Variants in LCN2 observed in about 807,000 individuals in gnomAD.
LCN2 encodes the protein lipocalin 2, also known as neutrophil gelatinase-associated lipocalin.
In LCN2, 27 loss-of-function variants were observed where a neutral mutation model predicts 26.4. The ratio of observed to expected loss-of-function variants is 1.02; its 90% CI spans 0.76 to 1.41. The LOEUF is 1.41. LCN2 is among the 40% of genes most tolerant of loss of function. The pLI is 0.00. For synonymous variants in LCN2, 94 were observed against 98.9 expected, an observed-to-expected ratio of 0.95 and a Z score of 0.30; for missense variants, 224 against 237.6, an observed-to-expected ratio of 0.94 and a Z score of 0.38.
rs879875042 is a variant in LCN2 at position 128,152,237 on chromosome 9, A to G, written c.530A>G (p.Lys177Arg). 4.3e-6 allele frequency: 7 copies of G among 1,613,998 alleles called. No homozygotes were observed. Among genetic ancestry groups the G allele is most frequent in the Non-Finnish European group, 3.4e-6 (4 of 1,180,024 alleles). ...AAGGAGAACTTCATCCGCTTCTCCA[A>G]ATCTCTGGGCCTCCCTGAAAACCAC... ...ELKENFIRFS[K>R]SLGLPENHIV... The change falls in exon 5 of 7, where the codon AAA becomes AGA. Residue 177 changes from lysine to arginine, a missense_variant. Transcript: ENST00000277480.
chr9:128,149,808 G>A (rs1050993577), intron 1 of LCN2, 145 bp downstream of exon 1: 1 of 963,840 alleles, frequency 1.0e-6, no homozygotes, highest in Non-Finnish European at 1.5e-6. Flanking sequence ...GTGCCACCAG[G>A]GTCCCCTGGT....
chr9:128,149,500 G>A lies in LCN2; in HGVS notation c.-26G>A. 6.3e-7 allele frequency: 1 copy of A among 1,577,074 alleles called. No individual in the cohort carries two copies. Among genetic ancestry groups the A allele is most frequent in the Non-Finnish European group, 8.6e-7 (1 of 1,159,214 alleles). On this transcript the variant is annotated 5_prime_UTR_variant, in exon 1 of 7. Coordinates refer to ENST00000277480, the MANE Select transcript of LCN2 (RefSeq NM_005564.5). The stretch of plus-strand genomic sequence containing the variant: ...CCTGCCAGGCCCAGCAGCCACCACA[G>A]CGCCTGCTTCCTCGGCCCTGAAATC...
At chr9:128,152,305 G>C (rs970150696) in intron 5 of LCN2, 21 bp downstream of exon 5, 1 of 1,598,126 alleles carries the variant, frequency 6.3e-7, no homozygotes, top group Non-Finnish European at 8.6e-7. Context: ...GTCTGGATGA[G>C]GGGACGGGGA....
chr9:128,150,187 G>T, intron 1 of LCN2, 51 bp from the exon 2 acceptor site: 1 of 1,582,368 alleles, frequency 6.3e-7, no homozygotes, highest in Non-Finnish European at 8.6e-7. Flanking sequence ...GAGCTGGAGG[G>T]GTGGCTCCTA....
rs879165357 is a variant in LCN2, at chr9:128,153,304, T to G, written c.*8-7T>G. Reference sequence around the variant, plus strand: ...CACCCATCACCCTCATATCCACCTCTGTCCAGGGTGCCGCCAGCTGCCGCA... The same window carrying G: ...CACCCATCACCCTCATATCCACCTCGGTCCAGGGTGCCGCCAGCTGCCGCA... On this transcript the variant is annotated splice_region_variant and splice_polypyrimidine_tract_variant and intron_variant, in intron 6 of 6. Coordinates refer to ENST00000277480, the MANE Select transcript of LCN2 (RefSeq NM_005564.5). The surrounding 1 kb of genome is among the most constrained non-coding windows in gnomAD (Gnocchi z 5.4). 1.4e-6 allele frequency: 1 copy of G among 719,996 alleles called. No homozygotes were observed. Among genetic ancestry groups the G allele is most frequent in the Non-Finnish European group, 2.4e-6 (1 of 423,018 alleles). The allele number at this position is 719,996 out of a possible 1,614,324, so 44.6% of individuals were successfully genotyped here. A position where few individuals can be genotyped will look rare whatever the true frequency, so the allele number is the denominator to read the frequency against.
At chr9:128,150,716 A>G (rs1834998368) in intron 2 of LCN2, 1 of 483,176 alleles carries the variant, frequency 2.1e-6, no homozygotes. Context: ...CTGCTTCAAA[A>G]GGAAATGTGG....
chr9:128,152,025 G>T lies in LCN2; in HGVS notation c.475G>T (p.Gly159Trp). The stretch of plus-strand genomic sequence containing the variant: ...GGAGTACTTCAAGATCACCCTCTAC[G>T]GTGGGTCCTCTCCCATCCCCTCGGG... ...NREYFKITLY[G>W]RTKELTSELK... is the part of the protein sequence containing the mutation. Residue 159 changes from glycine (G) to tryptophan (W), a missense_variant and splice_region_variant, in exon 4 of 7, where the codon GGG becomes TGG. By Grantham distance (184) the Gly-to-Trp change is radical. Coordinates refer to ENST00000277480, the MANE Select transcript of LCN2 (RefSeq NM_005564.5). The T allele has an allele frequency of 6.2e-7, 1 of 1,614,050 alleles. No individual in the cohort carries two copies. The highest frequency in any genetic ancestry group is 8.5e-7 in the Non-Finnish European group (1 of 1,179,970).
rs553580716 is a variant in LCN2 at position 128,151,902 on chromosome 9, G to T, written c.356-4G>T. 2 of 1,614,084 alleles carry T rather than the reference G, an allele frequency of 1.2e-6. No individual in the cohort carries two copies. Among genetic ancestry groups the T allele is most frequent in the South Asian group, 1.1e-5 (1 of 91,084 alleles). The stretch of plus-strand genomic sequence containing the variant: ...GGCTGACCCCTCACCGTCCACGCCT[G>T]CAGGTTACCCTGGATTAACGAGTTA... On this transcript the variant is annotated splice_polypyrimidine_tract_variant and splice_region_variant and intron_variant, in intron 3 of 6. Coordinates refer to ENST00000277480, the MANE Select transcript of LCN2 (RefSeq NM_005564.5).
rs190441171 is a variant in LCN2, at chr9:128,150,618, C to T, written c.275+244C>T. On this transcript the variant is annotated intron_variant, in intron 2 of 6. Transcript: ENST00000277480. ...CGGAGAGAGGAGGGGTGCCTGGGAG[C>T]GGGAGGAGGGGACACTGGATCCAGC... The T allele has an allele frequency of 5.5e-4, 359 of 652,842 alleles. 3 individuals carry two copies. Among genetic ancestry groups the T allele is most frequent in the African/African-American group, 5.4e-3 (306 of 56,150 alleles). 40.4% of individuals were successfully genotyped at this position (652,842 alleles called of 1,614,324 possible).
intron 2 of LCN2, 184 bp downstream of exon 2, chr9:128,150,558 T>C: frequency 1.3e-6 from 1 of 784,892 alleles, no homozygotes; most frequent in Non-Finnish European, 2.2e-6. Flanking sequence ...CAGACAGTGG[T>C]GGGGATGGAC....
chr9:128,151,904 A>G lies in LCN2; in HGVS notation c.356-2A>G. ...CTGACCCCTCACCGTCCACGCCTGC[A>G]GGTTACCCTGGATTAACGAGTTACC... On this transcript the variant is annotated splice_acceptor_variant, in intron 3 of 6. Coordinates refer to ENST00000277480, the MANE Select transcript of LCN2 (RefSeq NM_005564.5). LOFTEE classifies it high-confidence loss of function. 6.2e-7 allele frequency: 1 copy of G among 1,614,074 alleles called. No individual in the cohort carries two copies. Among genetic ancestry groups the G allele is most frequent in the Non-Finnish European group, 8.5e-7 (1 of 1,179,966 alleles).
chr9:128,150,108 TG>T, intron 1 of LCN2, 129 bp from the exon 2 acceptor site: 1 of 1,217,882 alleles, frequency 8.2e-7, no homozygotes, highest in Non-Finnish European at 1.1e-6. Context: ...AGGCCCAGCC[TG>T]GGCCCTGCTG....
intron 2 of LCN2, chr9:128,151,425 A>G: frequency 6.5e-6 from 4 of 615,232 alleles, no homozygotes; most frequent in Non-Finnish European, 1.2e-5. Context: ...GCAGGCCAGG[A>G]GGGACAGCCT....
intron 5 of LCN2, 147 bp from the exon 6 acceptor site, chr9:128,152,953 C>T: frequency 1.9e-6 from 2 of 1,076,864 alleles, no homozygotes; most frequent in East Asian, 4.8e-5. Context: ...CTGAAAGGAA[C>T]CCCCATATCT....
chr9:128,149,986 T>A (rs1834989491), intron 1 of LCN2, among the ~76,000 whole-genome samples: 1 of 151,918 alleles, frequency 6.6e-6, no homozygotes, highest in Non-Finnish European at 1.5e-5. Context: ...ACCAGCCACA[T>A]GCCTCCTCCA....
rs550448398 is a variant in LCN2 at position 128,150,095 on chromosome 9, T to C, written c.139-143T>C. 1.2e-5 allele frequency: 13 copies of C among 1,041,820 alleles called. No individual in the cohort carries two copies. The African/African-American group carries it at 1.8e-4, about 14-fold the overall frequency. The allele number at this position is 1,041,820 out of a possible 1,614,324, so 64.5% of individuals were successfully genotyped here. On this transcript the variant is annotated intron_variant, in intron 1 of 6. Coordinates refer to ENST00000277480, the MANE Select transcript of LCN2 (RefSeq NM_005564.5). ...CCTCCTGCTCCTGCCCCTTCACCAGTGCAGGCCCAGCCTGGGCCCTGCTGC... is the reference window on the plus strand; with the variant it reads ...CCTCCTGCTCCTGCCCCTTCACCAGCGCAGGCCCAGCCTGGGCCCTGCTGC...
chr9:128,152,858 A>T (rs984102160), intron 5 of LCN2, among the ~76,000 whole-genome samples: 9 of 152,074 alleles, frequency 5.9e-5, no homozygotes, highest in Non-Finnish European at 1.3e-4. Context: ...GGAGCCTGGG[A>T]GCTGGGCCTC....
intron 2 of LCN2, 186 bp downstream of exon 2, chr9:128,150,560 G>C (rs1040839598): frequency 1.3e-6 from 1 of 777,316 alleles, no homozygotes; most frequent in African/African-American, 1.7e-5. Flanking sequence ...GACAGTGGTG[G>C]GGATGGACAT....
In LCN2 at chr9:128,151,971, G is replaced by C. The variant is rs765754849; in HGVS notation, c.421G>C (p.Val141Leu). ...VSTNYNQHAMVFFKKVSQNRE... is the reference protein window; with the variant it reads ...VSTNYNQHAMLFFKKVSQNRE... ...CACCAACTACAACCAGCATGCTATGGTGTTCTTCAAGAAAGTTTCTCAAAA... is the reference window on the plus strand; with the variant it reads ...CACCAACTACAACCAGCATGCTATGCTGTTCTTCAAGAAAGTTTCTCAAAA... Residue 141 changes from valine (V) to leucine (L), a missense_variant, in exon 4 of 7, where the codon GTG (valine) becomes CTG (leucine). Physicochemically the swap from Val to Leu is conservative, Grantham distance 32 (BLOSUM62 1). Coordinates refer to ENST00000277480, the MANE Select transcript of LCN2 (RefSeq NM_005564.5). 6.2e-6 allele frequency: 10 copies of C among 1,614,128 alleles called. No homozygotes were observed. Among genetic ancestry groups the C allele is most frequent in the Non-Finnish European group, 8.5e-6 (10 of 1,180,002 alleles).
Sources: allele counts gnomAD v4.1 joint callset (sites outside exome capture counted in the v4.1 genomes callset), GRCh38; gene constraint gnomAD v4.1.1; non-coding constraint Gnocchi (gnomAD v3.1); transcripts MANE v1.5; gene names NCBI Gene and HGNC (gene_info 2026-07-23, HGNC 2026-07-21).